Variants in L3MBTL4 observed in about 807,000 individuals in gnomAD.
L3MBTL4 encodes L3MBTL histone methyl-lysine binding protein 4.
A neutral mutation model predicts 84.5 loss-of-function variants in L3MBTL4; 70 were observed. The ratio of observed to expected loss-of-function variants is 0.83; its 90% confidence interval spans 0.68 to 1.01. L3MBTL4 has a LOEUF of 1.01. L3MBTL4 is among the 50% of genes least tolerant of loss of function. L3MBTL4 has a pLI of 0.00. For synonymous variants in L3MBTL4, 274 were observed against 259.8 expected, an observed-to-expected ratio of 1.05 and a Z score of -0.52; for missense variants, 715 against 754.8, an observed-to-expected ratio of 0.95 and a Z score of 0.62.
At chr18:6,340,444 A>G (rs889836886) in intron 1 of L3MBTL4, among the ~76,000 whole-genome samples, 1 of 152,200 alleles carries the variant, frequency 6.6e-6, no homozygotes, top group African/African-American at 2.4e-5. Context: ...CACAGGGGGA[A>G]CTAAGAGCAA....
intron 16 of L3MBTL4, among the ~76,000 whole-genome samples, chr18:5,974,682 C>T (rs2052815286): frequency 6.6e-6 from 1 of 152,164 alleles, no homozygotes; most frequent in Non-Finnish European, 1.5e-5. Flanking sequence ...GAAAAGTATT[C>T]AGCCAGGTGC....
intron 13 of L3MBTL4, among the ~76,000 whole-genome samples, chr18:6,139,726 G>T (rs527776791): frequency 1.1e-4 from 16 of 152,108 alleles, no homozygotes; most frequent in African/African-American, 3.9e-4. Context: ...GGTTTCATGG[G>T]GCTGAAGACA....
At chr18:6,241,156 A>T (rs1392756699) in intron 8 of L3MBTL4, among the ~76,000 whole-genome samples, 1 of 152,234 alleles carries the variant, frequency 6.6e-6, no homozygotes, top group Non-Finnish European at 1.5e-5. Flanking sequence ...TTCTCATCTA[A>T]TTGAAGTATT....
chr18:6,368,344 T>G (rs1264673973), intron 1 of L3MBTL4, among the ~76,000 whole-genome samples: 2 of 152,180 alleles, frequency 1.3e-5, no homozygotes, highest in Non-Finnish European at 2.9e-5. Context: ...GCAGCCCACA[T>G]GCTCCCATTC....
chr18:6,200,867 T>G (rs1213548773), intron 12 of L3MBTL4, among the ~76,000 whole-genome samples: 1 of 152,232 alleles, frequency 6.6e-6, no homozygotes, highest in East Asian at 1.9e-4. Flanking sequence ...AGGGAGTGTT[T>G]AGTTAATGCC....
intron 16 of L3MBTL4, among the ~76,000 whole-genome samples, chr18:5,995,990 C>A (rs914933621): frequency 6.6e-6 from 1 of 152,176 alleles, no homozygotes; most frequent in Non-Finnish European, 1.5e-5. Context: ...CAGCTGGAGG[C>A]GTGTGTGGCT....
At chr18:6,130,250 C>A (rs941646808) in intron 14 of L3MBTL4, among the ~76,000 whole-genome samples, 7 of 149,012 alleles carry the variant, frequency 4.7e-5, no homozygotes, top group Admixed American at 2.7e-4. Context: ...AGACTGACAC[C>A]CCCCACCCGC....
intron 16 of L3MBTL4, among the ~76,000 whole-genome samples, chr18:5,976,038 C>T (rs936560305): frequency 6.6e-6 from 1 of 152,192 alleles, no homozygotes; most frequent in African/African-American, 2.4e-5. Context: ...TTGTCCACTG[C>T]TTAGTGGGCT....
At chr18:6,261,443 C>G (rs1330286138) in intron 5 of L3MBTL4, among the ~76,000 whole-genome samples, 1 of 152,212 alleles carries the variant, frequency 6.6e-6, no homozygotes, top group Non-Finnish European at 1.5e-5. Flanking sequence ...AAGGGTGCAT[C>G]ACCTGCTCAC....
intron 16 of L3MBTL4, among the ~76,000 whole-genome samples, chr18:6,045,772 C>T (rs978354692): frequency 2.0e-5 from 3 of 152,136 alleles, no homozygotes; most frequent in Non-Finnish European, 4.4e-5. Context: ...ATATCTTCTA[C>T]CACAAAAACA....
At chr18:6,181,448 C>T (rs976580457) in intron 12 of L3MBTL4, among the ~76,000 whole-genome samples, 7 of 152,058 alleles carry the variant, frequency 4.6e-5, no homozygotes, top group African/African-American at 1.7e-4. Context: ...GCCTCAGCCT[C>T]CTGTGTAGCT....
rs561491772 is a variant in L3MBTL4 at position 6,370,615 on chromosome 18, G to A, written c.-91+44186C>T. Among the ~76,000 whole-genome samples the A allele has an allele frequency of 1.2e-4, 18 of 152,232 alleles. 1 individual carries two copies. Among genetic ancestry groups the A allele is most frequent in the African/African-American group, 4.3e-4 (18 of 41,538 alleles). On this transcript the variant is annotated intron_variant, in intron 1 of 18. Transcript: ENST00000317931. ...AGTGGCAGAATCACACCCACTACTG[G>A]TGGCCAAAAGAGATGAAGTCACCTA... is the stretch of plus-strand genomic sequence containing the variant.
intron 16 of L3MBTL4, among the ~76,000 whole-genome samples, chr18:6,056,585 T>C (rs1486019637): frequency 1.3e-5 from 2 of 152,178 alleles, no homozygotes; most frequent in Non-Finnish European, 1.5e-5. Flanking sequence ...AAAGGCTCTC[T>C]ATGCGACAGG....
At chr18:5,965,559 C>T (rs2052310994) in intron 17 of L3MBTL4, among the ~76,000 whole-genome samples, 1 of 152,178 alleles carries the variant, frequency 6.6e-6, no homozygotes, top group Non-Finnish European at 1.5e-5. Context: ...CACATCATTG[C>T]TGCCCTGCTC....
At chr18:6,117,764 C>T (rs2144240266) in intron 14 of L3MBTL4, among the ~76,000 whole-genome samples, 1 of 152,186 alleles carries the variant, frequency 6.6e-6, no homozygotes, top group East Asian at 1.9e-4. Context: ...CAAAAAAAGA[C>T]ATTCTTAATA....
At chr18:6,090,608 A>G (rs537384024) in intron 15 of L3MBTL4, among the ~76,000 whole-genome samples, 4 of 133,360 alleles carry the variant, frequency 3.0e-5, no homozygotes, top group Non-Finnish European at 6.1e-5. Context: ...ACACACACAC[A>G]CACACACACA....
chr18:6,158,151 A>G (rs983069882), intron 13 of L3MBTL4, among the ~76,000 whole-genome samples: 2 of 152,220 alleles, frequency 1.3e-5, no homozygotes, highest in African/African-American at 4.8e-5. Flanking sequence ...GTTTTTTGGA[A>G]GTCAGACCAT....
intron 14 of L3MBTL4, among the ~76,000 whole-genome samples, chr18:6,122,129 C>T (rs2144336014): frequency 6.6e-6 from 1 of 152,272 alleles, no homozygotes; most frequent in Non-Finnish European, 1.5e-5. Flanking sequence ...ACTTACATCA[C>T]AGGGCTGCTC....
intron 11 of L3MBTL4, among the ~76,000 whole-genome samples, chr18:6,215,258 A>G (rs775473152): frequency 2.0e-5 from 3 of 152,218 alleles, no homozygotes; most frequent in Admixed American, 6.5e-5. Flanking sequence ...TACTTAGTTC[A>G]ATCCTGGAAT....
Sources: gnomAD v4.1 joint callset for allele counts (sites outside exome capture counted in the v4.1 genomes callset) on GRCh38, gnomAD v4.1.1 for gene constraint, MANE v1.5 for transcripts, NCBI Gene and HGNC (gene_info 2026-07-23, HGNC 2026-07-21) for gene names.